The following PPP1R2 variants were observed in gnomAD, a reference collection of about 807,000 sequenced individuals.
PPP1R2 encodes the protein protein phosphatase 1 regulatory inhibitor subunit 2, also known as protein phosphatase inhibitor 2.
PPP1R2 carries 16 observed loss-of-function variants against 29.9 expected under a neutral mutation model. That is an observed-to-expected ratio of 0.53 (90% confidence interval 0.36 to 0.81). The LOEUF (loss-of-function observed/expected upper bound fraction) is 0.81, where lower values mean the gene tolerates loss of function less well. Ranked by LOEUF, PPP1R2 falls within the 30% of genes least tolerant of loss-of-function variation. The pLI, the probability that PPP1R2 is intolerant of heterozygous loss-of-function variation, is 0.00. For missense variants in PPP1R2, 197 were observed against 252.7 expected, an observed-to-expected ratio of 0.78 and a Z score of 1.49; for synonymous variants, 76 against 91.5, an observed-to-expected ratio of 0.83 and a Z score of 0.96.
At position 195,516,845 on chromosome 3, in the gene PPP1R2, A is replaced by G. The variant is rs1448649425; in HGVS notation, c.*51T>C. On this transcript the variant is annotated 3_prime_UTR_variant, in exon 6 of 6. Transcript: ENST00000618156. ...TGAAGAACAAGAAGCAACGTACTAT[A>G]GTCACAGGGTTTACATCTAACAAAC... The G allele has an allele frequency of 1.3e-6, 2 of 1,505,352 alleles. No homozygotes were observed. Among genetic ancestry groups the G allele is most frequent in the South Asian group, 2.3e-5 (2 of 88,502 alleles). The allele number at this position is 1,505,352 out of a possible 1,614,324, so 93.2% of individuals were successfully genotyped here.
chr3:195,536,656 C>T (rs1285978853), intron 1 of PPP1R2, among the ~76,000 whole-genome samples: 2 of 151,806 alleles, frequency 1.3e-5, no homozygotes, highest in African/African-American at 2.4e-5. Context: ...TGCTTGGTGG[C>T]GCATGCCTGT....
intron 1 of PPP1R2, among the ~76,000 whole-genome samples, chr3:195,535,248 T>C (rs768495263): frequency 2.6e-5 from 4 of 152,212 alleles, no homozygotes; most frequent in Non-Finnish European, 5.9e-5. Context: ...GAGAATCTAA[T>C]GTCACCATTG....
rs1272434347 is a variant in PPP1R2, at chr3:195,527,029, C to T, written c.231-2133G>A. 3.9e-5 allele frequency among the ~76,000 whole-genome samples: 6 copies of T among 151,940 alleles called. 1 individual carries two copies. The highest frequency in any genetic ancestry group is 4.1e-4 in the South Asian group (2 of 4,822). ...AACTCCTGACCTTAGGTGATCCACC[C>T]GCCTCAGGCTCCCAAAGTGCTGGGA... On this transcript the variant is annotated intron_variant, in intron 2 of 5. Transcript: ENST00000618156.
intron 1 of PPP1R2, among the ~76,000 whole-genome samples, chr3:195,540,837 T>A (rs1449222327): frequency 6.6e-6 from 1 of 152,148 alleles, no homozygotes; most frequent in African/African-American, 2.4e-5. Context: ...CCGTAAGAAA[T>A]AAATTCAGTT....
chr3:195,529,633 T>G, intron 2 of PPP1R2, 161 bp downstream of exon 2: 1 of 516,594 alleles, frequency 1.9e-6, no homozygotes, highest in Non-Finnish European at 3.4e-6. Flanking sequence ...ACACATCACT[T>G]AAACCATTAC....
At chr3:195,524,928 T>G (rs759020719) in intron 2 of PPP1R2, 32 bp from the exon 3 acceptor site, 11 of 1,576,082 alleles carry the variant, frequency 7.0e-6, no homozygotes, top group Non-Finnish European at 9.6e-6. Flanking sequence ...AATTAATACC[T>G]GAAACATACA....
chr3:195,532,667 T>A (rs933384848), intron 1 of PPP1R2, among the ~76,000 whole-genome samples: 2 of 152,212 alleles, frequency 1.3e-5, no homozygotes, highest in African/African-American at 4.8e-5. Context: ...TTGAATATTA[T>A]GAGTTTGAAC....
At chr3:195,529,041 A>ATT (rs879663216) in intron 2 of PPP1R2, 3 of 129,548 alleles carry the variant, frequency 2.3e-5, no homozygotes, top group Admixed American at 7.8e-5. Flanking sequence ...TAATTTTTGT[A>ATT]TTTTTTTTTT....
rs1436195262 is a variant in PPP1R2, at chr3:195,516,665, CT to C, written c.*230del. On this transcript the variant is annotated 3_prime_UTR_variant, in exon 6 of 6. Coordinates refer to ENST00000618156, the MANE Select transcript of PPP1R2 (RefSeq NM_006241.8). Reference sequence around the variant, plus strand: ...TTTACAAAAGTAATGCAGTTTTGGACTGATGATATTACACTGTATTTGTGGT... The same window carrying C: ...TTTACAAAAGTAATGCAGTTTTGGACGATGATATTACACTGTATTTGTGGT... 1 of 448,914 alleles carries C rather than the reference CT, an allele frequency of 2.2e-6. No individual in the cohort carries two copies. Among genetic ancestry groups the C allele is most frequent in the Non-Finnish European group, 4.0e-6 (1 of 250,640 alleles). The allele number at this position is 448,914 out of a possible 1,614,324, so 27.8% of individuals were successfully genotyped here.
intron 1 of PPP1R2, among the ~76,000 whole-genome samples, chr3:195,539,356 T>C (rs905093449): frequency 3.3e-5 from 5 of 152,354 alleles, no homozygotes; most frequent in African/African-American, 9.6e-5. Context: ...ATGGATTCTA[T>C]CCAGTTTTAA....
chr3:195,534,814 C>T (rs2087964), intron 1 of PPP1R2, among the ~76,000 whole-genome samples: 3,402 of 152,296 alleles, frequency 0.022, 138 homozygotes, highest in African/African-American at 0.077. Context: ...CTGTGTCAGC[C>T]ACCTGAGCAG....
At chr3:195,527,832 T>C in intron 2 of PPP1R2, 1 of 315,350 alleles carries the variant, frequency 3.2e-6, no homozygotes, top group Non-Finnish European at 6.1e-6. Flanking sequence ...TGCCTGTTAA[T>C]AGCCACTGCA....
chr3:195,517,587 TTA>T (rs1466567806), intron 5 of PPP1R2, among the ~76,000 whole-genome samples: 41 of 152,164 alleles, frequency 2.7e-4, no homozygotes, highest in African/African-American at 9.4e-4. Flanking sequence ...TCCATTAAAC[TTA>T]AACAAAAAAT....
At chr3:195,518,378 G>A (rs1010970674) in intron 5 of PPP1R2, among the ~76,000 whole-genome samples, 7 of 152,136 alleles carry the variant, frequency 4.6e-5, no homozygotes, top group South Asian at 2.1e-4. Flanking sequence ...CAGGCTGGGC[G>A]CGGTGGCTCA....
Position 195,536,088 on chromosome 3 carries a change from A to G in PPP1R2, c.123-6187T>C, listed in dbSNP as rs1205780555. On this transcript the variant is annotated intron_variant, in intron 1 of 5. Coordinates refer to ENST00000618156, the MANE Select transcript of PPP1R2 (RefSeq NM_006241.8). ...AAGAACGCAGTAACATAATACTTGTAACATACAAAACATGTAGTTAATCAA... is the reference window on the plus strand; with the variant it reads ...AAGAACGCAGTAACATAATACTTGTGACATACAAAACATGTAGTTAATCAA... 2.0e-5 allele frequency among the ~76,000 whole-genome samples: 3 copies of G among 152,196 alleles called. No homozygotes were observed. In the East Asian group the frequency reaches 5.8e-4, roughly 29 times the overall value.
chr3:195,515,343 A>G lies in PPP1R2; in HGVS notation c.*1553T>C, dbSNP rs1477964260. The G allele has an allele frequency of 1.3e-5, 2 of 152,742 alleles. No individual in the cohort carries two copies. The highest frequency in any genetic ancestry group is 2.4e-5 in the African/African-American group (1 of 41,466). 9.5% of individuals were successfully genotyped at this position (152,742 alleles called of 1,614,324 possible). A position where few individuals can be genotyped will look rare whatever the true frequency, so the allele number is the denominator to read the frequency against. On this transcript the variant is annotated 3_prime_UTR_variant, in exon 6 of 6. Transcript: ENST00000618156. ...TTCTCCCACTTTTTATTTATTTTCA[A>G]ATACTGCTGTTTCCATAAACCTGCA...
At chr3:195,536,425 C>T (rs1475584360) in intron 1 of PPP1R2, among the ~76,000 whole-genome samples, 3 of 151,674 alleles carry the variant, frequency 2.0e-5, no homozygotes, top group Admixed American at 6.6e-5. Flanking sequence ...ATGTATATTA[C>T]ACTGTAATAA....
At chr3:195,523,314 A>C (rs531889344) in intron 4 of PPP1R2, 3 of 216,716 alleles carry the variant, frequency 1.4e-5, no homozygotes, top group Non-Finnish European at 2.8e-5. Flanking sequence ...ACTGTCCAAC[A>C]ACACAAAAAG....
intron 4 of PPP1R2, among the ~76,000 whole-genome samples, chr3:195,521,095 C>T: frequency 6.6e-6 from 1 of 151,564 alleles, no homozygotes; most frequent in East Asian, 2.0e-4. Flanking sequence ...GAGGGCGGAT[C>T]ATGAGGTCAG....
Sources: gnomAD v4.1 joint callset for allele counts (sites outside exome capture counted in the v4.1 genomes callset) on GRCh38, gnomAD v4.1.1 for gene constraint, MANE v1.5 for transcripts, NCBI Gene and HGNC (gene_info 2026-07-23, HGNC 2026-07-21) for gene names.